Variants in RALGAPA1 observed in about 807,000 individuals in gnomAD.
RALGAPA1 encodes the protein ral GTPase-activating protein subunit alpha-1.
RALGAPA1 carries 52 observed loss-of-function variants against 269.6 expected under a neutral mutation model. That is an observed-to-expected ratio of 0.19 (90% CI 0.15 to 0.24). The LOEUF is 0.24. Among genes scored for constraint, RALGAPA1 ranks in the 10% least tolerant of loss-of-function variants. RALGAPA1 has a pLI of 1.00. For missense variants in RALGAPA1, 1,917 were observed against 3,013.9 expected (o/e 0.64, Z 8.52); for synonymous variants, 817 against 1,008.3 (o/e 0.81, Z 3.60).
At chr14:35,620,788 T>C (rs1002051307) in intron 35 of RALGAPA1, among the ~76,000 whole-genome samples, 3 of 152,062 alleles carry the variant, frequency 2.0e-5, no homozygotes, top group Admixed American at 6.6e-5. Flanking sequence ...ATAAAATACC[T>C]AGGAATCCAA....
intron 12 of RALGAPA1, among the ~76,000 whole-genome samples, chr14:35,733,790 TG>T (rs1235697476): frequency 6.6e-6 from 1 of 151,912 alleles, no homozygotes; most frequent in Non-Finnish European, 1.5e-5. Context: ...GCTAGTTCTT[TG>T]AAAAGATAAA....
intron 7 of RALGAPA1, among the ~76,000 whole-genome samples, chr14:35,754,072 C>A (rs1170069394): frequency 6.6e-6 from 1 of 152,104 alleles, no homozygotes; most frequent in Non-Finnish European, 1.5e-5. Flanking sequence ...GGATTAAAGT[C>A]AACATTGCTC....
At chr14:35,606,869 T>C (rs1195728649) in intron 35 of RALGAPA1, among the ~76,000 whole-genome samples, 2 of 152,050 alleles carry the variant, frequency 1.3e-5, no homozygotes, top group East Asian at 1.9e-4. Context: ...CAAATCATGA[T>C]AGTGGGTTGA....
At chr14:35,626,596 T>C (rs925162507) in intron 34 of RALGAPA1, among the ~76,000 whole-genome samples, 10 of 152,302 alleles carry the variant, frequency 6.6e-5, no homozygotes, top group Middle Eastern at 3.4e-3. Context: ...GGTCTTCTGA[T>C]TTAAGCCCAT....
At position 35,683,839 on chromosome 14, in the gene RALGAPA1, C is replaced by T. The variant is rs1172910020; in HGVS notation, c.4441G>A (p.Ala1481Thr). 2 of 1,603,322 alleles carry T rather than the reference C, an allele frequency of 1.2e-6. No homozygotes were observed. The highest frequency in any genetic ancestry group is 1.7e-6 in the Non-Finnish European group (2 of 1,173,162). ...ATAGTTGCAACTTCAGCAGAGAAAG[C>T]TTGCTGATTAAGACTGCTTGTTTCA... ...DSETSSLNQQ[A>T]FSAEVATITG... The change falls in exon 21 of 42, where the codon GCT becomes ACT. Residue 1481 changes from alanine (A) to threonine (T), a missense_variant. Ala to Thr is a moderately conservative substitution (Grantham distance 58). Around this residue, in one of 11 missense-constraint regions of RALGAPA1, gnomAD observed 615 missense variants for 790.0 expected, o/e 0.78. Coordinates refer to ENST00000680220, the MANE Select transcript of RALGAPA1 (RefSeq NM_001346249.2).
chr14:35,760,731 T>G, intron 6 of RALGAPA1, 98 bp downstream of exon 6: 1 of 793,234 alleles, frequency 1.3e-6, no homozygotes. Flanking sequence ...TTGCCTTGGA[T>G]TACCCAGTTA....
chr14:35,756,712 C>G, intron 7 of RALGAPA1, 81 bp downstream of exon 7: 1 of 1,013,128 alleles, frequency 9.9e-7, no homozygotes, highest in Non-Finnish European at 1.5e-6. Context: ...TCTACTATGA[C>G]AGAATAATGG....
At chr14:35,802,665 T>G (rs1450328746) in intron 1 of RALGAPA1, among the ~76,000 whole-genome samples, 1 of 141,174 alleles carries the variant, frequency 7.1e-6, no homozygotes, top group South Asian at 2.3e-4. Context: ...GGTGGTGGGT[T>G]TTTTTTTTTT....
rs551047610 is a variant in RALGAPA1, at chr14:35,775,812, C to T, written c.107-67G>A. 2.2e-4 allele frequency: 303 copies of T among 1,367,876 alleles called. 1 individual carries two copies. Among genetic ancestry groups the T allele is most frequent in the South Asian group, 1.1e-3 (56 of 52,644 alleles). 84.7% of individuals were successfully genotyped at this position (1,367,876 alleles called of 1,614,324 possible). A position where few individuals can be genotyped will look rare whatever the true frequency, so the allele number is the denominator to read the frequency against. Reference sequence around the variant, plus strand: ...TAAATCAAGTTTAGCAAATATTCAGCGACAAGTTTCCTTCAAAGTCAAAGA... The same window carrying T: ...TAAATCAAGTTTAGCAAATATTCAGTGACAAGTTTCCTTCAAAGTCAAAGA... On this transcript the variant is annotated intron_variant, in intron 1 of 41. Transcript: ENST00000680220.
chr14:35,637,842 C>A (rs796229334), intron 31 of RALGAPA1, among the ~76,000 whole-genome samples: 16 of 152,150 alleles, frequency 1.1e-4, no homozygotes, highest in African/African-American at 3.6e-4. Context: ...AAATAACATA[C>A]AATGGAGCTC....
rs1365287789 is a variant in RALGAPA1 at position 35,542,061 on chromosome 14, A to G, written c.*24-2371T>C. ...AAACAAGTTCAAATAGGAAAAAAGAAAAGAAGAAAAAAGGTCTATGAGAGA... is the reference window on the plus strand; with the variant it reads ...AAACAAGTTCAAATAGGAAAAAAGAGAAGAAGAAAAAAGGTCTATGAGAGA... On this transcript the variant is annotated intron_variant, in intron 41 of 41. Transcript: ENST00000680220. 4 of 1,144,958 alleles carry G rather than the reference A, an allele frequency of 3.5e-6. No individual in the cohort carries two copies. In the East Asian group the frequency reaches 1.7e-4, roughly 49 times the overall value. The allele number at this position is 1,144,958 out of a possible 1,614,324, so 70.9% of individuals were successfully genotyped here.
chr14:35,684,482 A>G (rs1358344344), intron 20 of RALGAPA1, among the ~76,000 whole-genome samples: 1 of 152,204 alleles, frequency 6.6e-6, no homozygotes. Flanking sequence ...CTGGCTTTTT[A>G]GTAACAGGTC....
At chr14:35,616,531 AC>A (rs2060263890) in intron 35 of RALGAPA1, among the ~76,000 whole-genome samples, 1 of 152,226 alleles carries the variant, frequency 6.6e-6, no homozygotes, top group Non-Finnish European at 1.5e-5. Context: ...ATGTCAGTAC[AC>A]ATTTATCAAA....
intron 1 of RALGAPA1, among the ~76,000 whole-genome samples, chr14:35,779,119 CTAGT>C (rs1270652042): frequency 6.6e-6 from 1 of 152,036 alleles, no homozygotes; most frequent in Admixed American, 6.6e-5. Flanking sequence ...TCATCAAATA[CTAGT>C]TAAATATAGT....
intron 11 of RALGAPA1, among the ~76,000 whole-genome samples, chr14:35,740,344 T>C (rs371244186): frequency 6.6e-6 from 1 of 152,212 alleles, no homozygotes; most frequent in East Asian, 1.9e-4. Flanking sequence ...TTGAAATTTG[T>C]GAGTGTTTTC....
chr14:35,655,747 G>T, intron 29 of RALGAPA1, 60 bp downstream of exon 29: 1 of 1,561,266 alleles, frequency 6.4e-7, no homozygotes, highest in Non-Finnish European at 8.6e-7. Flanking sequence ...ATTAATATTT[G>T]GAGAAAAAAA....
Position 35,689,830 on chromosome 14 carries a change from C to T in RALGAPA1, c.2581G>A (p.Val861Ile). The change falls in exon 18 of 42, where the codon GTT (valine) becomes ATT (isoleucine). Residue 861 changes from valine (V) to isoleucine (I), a missense_variant. Val to Ile is a conservative substitution (Grantham distance 29, BLOSUM62 3). Coordinates refer to ENST00000680220, the MANE Select transcript of RALGAPA1 (RefSeq NM_001346249.2). ...CGGGATGAACTGTCAATGACAGGAA[C>T]TGCACCTTTGGCTCGTTCAACAGTG... ...PFTVERAKGA[V>I]PVIDSSSRHA... is the part of the protein sequence containing the mutation. 6.3e-7 allele frequency: 1 copy of T among 1,590,246 alleles called. No homozygotes were observed. The highest frequency in any genetic ancestry group is 1.1e-5 in the South Asian group (1 of 88,066).
intron 1 of RALGAPA1, among the ~76,000 whole-genome samples, chr14:35,796,149 T>C (rs377096774): frequency 4.1e-4 from 62 of 152,158 alleles, no homozygotes; most frequent in African/African-American, 1.4e-3. Flanking sequence ...TCATTTTAGC[T>C]GTATTCCATA....
chr14:35,600,086 C>G (rs2059180446), intron 36 of RALGAPA1, among the ~76,000 whole-genome samples: 2 of 151,416 alleles, frequency 1.3e-5, no homozygotes, highest in African/African-American at 2.4e-5. Context: ...TTTTTCAGAC[C>G]CAGGCTCTTT....
Sources: gnomAD v4.1 joint callset for allele counts (sites outside exome capture counted in the v4.1 genomes callset) on GRCh38, gnomAD v4.1.1 for gene constraint, gnomAD v4.1.1 regional missense constraint, MANE v1.5 for transcripts, NCBI Gene and HGNC (gene_info 2026-07-23, HGNC 2026-07-21) for gene names.